Variants in RNF24 observed in about 807,000 individuals in gnomAD.
The protein encoded by RNF24 is ring finger protein 24.
Under a neutral mutation model 20.0 loss-of-function variants are expected in RNF24, and 14 were observed. That is an observed-to-expected ratio of 0.70 (90% CI 0.46 to 1.10). The LOEUF (loss-of-function observed/expected upper bound fraction) is 1.10, where lower values mean the gene tolerates loss of function less well. Among genes scored for constraint, RNF24 ranks in the 50% least tolerant of loss-of-function variants. RNF24 has a pLI of 0.00. For missense variants in RNF24, 124 were observed against 177.6 expected (o/e 0.70, Z 1.71); for synonymous variants, 45 against 61.1 (o/e 0.74, Z 1.23).
chr20:3,969,533 G>A (rs1459361507), intron 1 of RNF24, among the ~76,000 whole-genome samples: 1 of 148,998 alleles, frequency 6.7e-6, no homozygotes, highest in Non-Finnish European at 1.5e-5. Flanking sequence ...CCTAATGAAC[G>A]TGTTCTCTCT....
chr20:3,977,801 T>G (rs1476749344), intron 1 of RNF24, among the ~76,000 whole-genome samples: 1 of 149,880 alleles, frequency 6.7e-6, no homozygotes, highest in African/African-American at 2.5e-5. Context: ...GAGGCAGAGC[T>G]TGCAGCGAGC....
Position 3,948,290 on chromosome 20 carries a change from G to A in RNF24, c.144-11C>T, listed in dbSNP as rs1470621660. 4 of 1,558,528 alleles carry A rather than the reference G, an allele frequency of 2.6e-6. No individual in the cohort carries two copies. The highest frequency in any genetic ancestry group is 3.5e-6 in the Non-Finnish European group (4 of 1,149,386). On this transcript the variant is annotated splice_polypyrimidine_tract_variant and intron_variant, in intron 2 of 5. Transcript: ENST00000358395. ...GCTTGATGTCTTAGCCTAAAAGACA[G>A]AAATTAGTAATGCAATATTGAGATT...
chr20:3,934,928 C>T lies in RNF24; in HGVS notation c.308+66G>A. ...AGCTTGTCTGGCACTGCCCTAAAACCCAAAAGAAGTTGGTTGATGTGCCTC... is the reference window on the plus strand; with the variant it reads ...AGCTTGTCTGGCACTGCCCTAAAACTCAAAAGAAGTTGGTTGATGTGCCTC... On this transcript the variant is annotated intron_variant, in intron 5 of 5. Coordinates refer to ENST00000358395, the MANE Select transcript of RNF24 (RefSeq NM_001134337.3). The surrounding 1 kb of genome is among the most constrained non-coding windows in gnomAD (Gnocchi z 4.0). 2.9e-6 allele frequency: 4 copies of T among 1,392,808 alleles called. No individual in the cohort carries two copies. The highest frequency in any genetic ancestry group is 1.7e-5 in the Admixed American group (1 of 58,820). The allele number at this position is 1,392,808 out of a possible 1,614,324, so 86.3% of individuals were successfully genotyped here. A position where few individuals can be genotyped will look rare whatever the true frequency, so the allele number is the denominator to read the frequency against.
At chr20:3,996,988 AG>A (rs1445387805) in intron 1 of RNF24, among the ~76,000 whole-genome samples, 6 of 152,046 alleles carry the variant, frequency 3.9e-5, no homozygotes. Flanking sequence ...TGAGAGGCCG[AG>A]GCAGGCGGAT....
At chr20:3,989,027 C>T (rs375335650) in intron 1 of RNF24, among the ~76,000 whole-genome samples, 13 of 152,008 alleles carry the variant, frequency 8.6e-5, no homozygotes, top group Admixed American at 2.6e-4. Context: ...GTTGTAAAGA[C>T]GCTAAATATT....
chr20:3,951,286 AGTCTTTCCTT>A (rs1293453176), intron 2 of RNF24, among the ~76,000 whole-genome samples: 1 of 151,996 alleles, frequency 6.6e-6, no homozygotes, highest in African/African-American at 2.4e-5. Flanking sequence ...AGAGTTCCTT[AGTCTTTCCTT>A]GTCTTTCAAG....
chr20:3,991,940 GCA>G (rs113511343), intron 1 of RNF24, among the ~76,000 whole-genome samples: 2,315 of 147,724 alleles, frequency 0.016, 52 homozygotes, highest in African/African-American at 0.054. Flanking sequence ...ACACACACAC[GCA>G]CACACACACA....
At chr20:3,953,918 A>C (rs571633190) in intron 2 of RNF24, among the ~76,000 whole-genome samples, 3 of 150,536 alleles carry the variant, frequency 2.0e-5, no homozygotes, top group Non-Finnish European at 4.4e-5. Context: ...CACCACGTCC[A>C]GCTAATTTTT....
At chr20:3,986,721 C>T (rs1439758008) in intron 1 of RNF24, among the ~76,000 whole-genome samples, 4 of 151,422 alleles carry the variant, frequency 2.6e-5, no homozygotes, top group Non-Finnish European at 5.9e-5. Flanking sequence ...AATCTAGGCT[C>T]ACTGCAGCCT....
rs58334745 is a variant in RNF24, at chr20:3,944,209, C to CAA, written c.228+966_228+967dup. Among the ~76,000 whole-genome samples, 230 of 109,796 alleles carry CAA rather than the reference C, an allele frequency of 2.1e-3. 3 individuals carry two copies. Among genetic ancestry groups the CAA allele is most frequent in the African/African-American group, 5.1e-3 (170 of 33,120 alleles). 72.0% of individuals were successfully genotyped at this position (109,796 alleles called of 152,430 possible). A position where few individuals can be genotyped will look rare whatever the true frequency, so the allele number is the denominator to read the frequency against. On this transcript the variant is annotated intron_variant, in intron 4 of 5. Coordinates refer to ENST00000358395, the MANE Select transcript of RNF24 (RefSeq NM_001134337.3). ...TGGATGACAGAGTAAGACCCCGTCT[C>CAA]AAAAAAAAAAAAAAAAAAAAATCAA...
At chr20:3,951,287 G>A (rs964287737) in intron 2 of RNF24, among the ~76,000 whole-genome samples, 3 of 151,966 alleles carry the variant, frequency 2.0e-5, no homozygotes, top group Non-Finnish European at 4.4e-5. Flanking sequence ...GAGTTCCTTA[G>A]TCTTTCCTTG....
intron 4 of RNF24, among the ~76,000 whole-genome samples, chr20:3,935,651 G>T (rs962532215): frequency 7.2e-5 from 11 of 152,244 alleles, no homozygotes; most frequent in Non-Finnish European, 1.2e-4. Context: ...AACATGTGCA[G>T]ATGGGACCAG....
chr20:3,998,713 G>A (rs1307438743), intron 1 of RNF24, among the ~76,000 whole-genome samples: 1 of 150,320 alleles, frequency 6.7e-6, no homozygotes, highest in African/African-American at 2.4e-5. Context: ...CCAAGATCAC[G>A]CCATTGTACT....
chr20:4,005,656 T>C (rs1198917074), intron 1 of RNF24, among the ~76,000 whole-genome samples: 1 of 152,208 alleles, frequency 6.6e-6, no homozygotes, highest in Non-Finnish European at 1.5e-5. Context: ...CTATTTCAAA[T>C]TTATATCACT....
intron 1 of RNF24, among the ~76,000 whole-genome samples, chr20:3,968,731 G>A (rs1387400097): frequency 6.6e-6 from 1 of 152,152 alleles, no homozygotes; most frequent in African/African-American, 2.4e-5. Context: ...GGGTGGATGA[G>A]AGGAAAGATT....
At chr20:3,988,547 C>T (rs1355082466) in intron 1 of RNF24, among the ~76,000 whole-genome samples, 1 of 150,866 alleles carries the variant, frequency 6.6e-6, no homozygotes, top group Non-Finnish European at 1.5e-5. Context: ...GCAGCCTCAA[C>T]CTCCTGGGCT....
At chr20:3,935,855 G>A (rs2090884393) in intron 4 of RNF24, among the ~76,000 whole-genome samples, 1 of 152,196 alleles carries the variant, frequency 6.6e-6, no homozygotes, top group Non-Finnish European at 1.5e-5. Context: ...CATTTAATTG[G>A]AGAGTGGCCA....
chr20:3,952,475 T>A (rs1382022146), intron 2 of RNF24, among the ~76,000 whole-genome samples: 3 of 152,096 alleles, frequency 2.0e-5, no homozygotes, highest in African/African-American at 7.2e-5. Flanking sequence ...TTGGATTTTT[T>A]AATGTACACA....
intron 1 of RNF24, among the ~76,000 whole-genome samples, chr20:3,965,007 T>TA (rs1007072423): frequency 2.0e-5 from 3 of 151,876 alleles, no homozygotes; most frequent in East Asian, 1.9e-4. Flanking sequence ...GTTTAAACAT[T>TA]AAAAAAAAGG....
Sources: allele counts gnomAD v4.1 joint callset (sites outside exome capture counted in the v4.1 genomes callset), GRCh38; gene constraint gnomAD v4.1.1; non-coding constraint Gnocchi (gnomAD v3.1); transcripts MANE v1.5; gene names NCBI Gene and HGNC (gene_info 2026-07-23, HGNC 2026-07-21).